NTM: variants seen among roughly 807,000 people sequenced by gnomAD.
NTM encodes IgLON family member 2.
NTM carries 13 observed loss-of-function variants against 42.1 expected under a neutral mutation model. The observed-to-expected ratio is 0.31, with a 90% CI of 0.20 to 0.49. The LOEUF (loss-of-function observed/expected upper bound fraction) is 0.49, where lower values mean the gene tolerates loss of function less well. Among genes scored for constraint, NTM ranks in the 20% least tolerant of loss-of-function variants. The pLI is 0.99. For missense variants in NTM, 373 were observed against 452.8 expected (o/e 0.82, Z 1.60); for synonymous variants, 187 against 179.2 (o/e 1.04, Z -0.35).
At chr11:131,617,088 G>A (rs115797859) in intron 1 of NTM, among the ~76,000 whole-genome samples, 2,277 of 152,214 alleles carry the variant, frequency 0.015, 58 homozygotes, top group African/African-American at 0.05. Context: ...TTGTGGGGCT[G>A]GACGCTGCGA....
chr11:131,481,891 G>A (rs1175978301), intron 1 of NTM, among the ~76,000 whole-genome samples: 1 of 152,252 alleles, frequency 6.6e-6, no homozygotes, highest in African/African-American at 2.4e-5. Flanking sequence ...TTTGTAGCAT[G>A]TTAAGTTCCC....
rs2056732928 is a variant in NTM, at chr11:132,067,724, G to T, written c.168-78558G>T. Among the ~76,000 whole-genome samples, 4 of 152,212 alleles carry T rather than the reference G, an allele frequency of 2.6e-5. No homozygotes were observed. The South Asian group carries it at 8.3e-4, about 32-fold the overall frequency. ...TGAGGCTAATTTCACTGCCCTCTGG[G>T]CCCATAGCTCTGCCTTCTGGCCTTG... On this transcript the variant is annotated intron_variant, in intron 2 of 8. Coordinates refer to ENST00000683400, the MANE Select transcript of NTM (RefSeq NM_001352005.2).
rs991523148 is a variant in NTM, at chr11:131,741,160, G to T, written c.83-170404G>T. Among the ~76,000 whole-genome samples, 3 of 111,560 alleles carry T rather than the reference G, an allele frequency of 2.7e-5. No homozygotes were observed. In the Admixed American group the frequency reaches 3.0e-4, roughly 11 times the overall value. The allele number at this position is 111,560 out of a possible 152,430, so 73.2% of individuals were successfully genotyped here. ...AGCCTGGGCAACAGAGCAAGACCCC[G>T]TTGAGAGAGAGAGAGAGAGAGAGAG... On this transcript the variant is annotated intron_variant, in intron 1 of 8. Transcript: ENST00000683400.
intron 1 of NTM, among the ~76,000 whole-genome samples, chr11:131,732,405 T>C (rs2079810972): frequency 6.6e-6 from 1 of 152,232 alleles, no homozygotes; most frequent in South Asian, 2.1e-4. Flanking sequence ...CTGTGGGTCC[T>C]GCCTTCCACC....
intron 1 of NTM, among the ~76,000 whole-genome samples, chr11:131,587,715 C>A (rs760467890): frequency 6.6e-6 from 1 of 152,108 alleles, no homozygotes; most frequent in Admixed American, 6.5e-5. Context: ...TTAAATGCTC[C>A]ACTGCACCCA....
At chr11:131,635,167 C>T (rs2064201035) in intron 1 of NTM, among the ~76,000 whole-genome samples, 1 of 152,206 alleles carries the variant, frequency 6.6e-6, no homozygotes, top group Non-Finnish European at 1.5e-5. Context: ...TCCCTAGAGA[C>T]TGACTGCTAC....
At chr11:132,053,563 G>A (rs2079161498) in intron 2 of NTM, among the ~76,000 whole-genome samples, 1 of 152,116 alleles carries the variant, frequency 6.6e-6, no homozygotes, top group Non-Finnish European at 1.5e-5. Flanking sequence ...CTTGGATTGG[G>A]GAATGTAGAG....
intron 2 of NTM, among the ~76,000 whole-genome samples, chr11:131,972,235 A>G (rs2063664544): frequency 6.6e-6 from 1 of 151,912 alleles, no homozygotes; most frequent in South Asian, 2.1e-4. Flanking sequence ...AAATACATAC[A>G]TACATACATA....
At chr11:132,070,440 G>A (rs1434214309) in intron 2 of NTM, among the ~76,000 whole-genome samples, 4 of 126,520 alleles carry the variant, frequency 3.2e-5, no homozygotes, top group South Asian at 2.9e-4. Flanking sequence ...TAGTTAACAC[G>A]TCACACAGCC....
intron 3 of NTM, among the ~76,000 whole-genome samples, chr11:132,154,086 A>G (rs2072614761): frequency 6.6e-6 from 1 of 152,172 alleles, no homozygotes; most frequent in Non-Finnish European, 1.5e-5. Flanking sequence ...GAGGACGCTA[A>G]TATGGTCACA....
intron 1 of NTM, among the ~76,000 whole-genome samples, chr11:131,885,211 G>A (rs1188478822): frequency 6.6e-6 from 1 of 152,328 alleles, no homozygotes. Context: ...AGCACCTAAT[G>A]CATTCCAGGC....
chr11:132,182,140 C>T (rs2138066340), intron 3 of NTM, among the ~76,000 whole-genome samples: 1 of 152,054 alleles, frequency 6.6e-6, no homozygotes, highest in East Asian at 1.9e-4. Flanking sequence ...AGCTAGAAAC[C>T]TCCATCATTT....
chr11:131,598,747 C>CTTTCTTTCTTTCTTTCTTTG (rs1182525836), intron 1 of NTM, among the ~76,000 whole-genome samples: 2 of 73,420 alleles, frequency 2.7e-5, no homozygotes, highest in African/African-American at 9.4e-5. Context: ...TTCTTTCTTT[C>CTTTCTTTCTTTCTTTCTTTG]TTTCTTTCTT....
intron 4 of NTM, among the ~76,000 whole-genome samples, chr11:132,277,965 G>A (rs141943615): frequency 6.6e-6 from 1 of 152,130 alleles, no homozygotes; most frequent in African/African-American, 2.4e-5. Context: ...ACAGTTTATT[G>A]AGAACTCGAA....
At chr11:132,048,227 C>T (rs1452471083) in intron 2 of NTM, among the ~76,000 whole-genome samples, 1 of 152,102 alleles carries the variant, frequency 6.6e-6, no homozygotes, top group African/African-American at 2.4e-5. Flanking sequence ...TGAAGGAACG[C>T]ATTGTTAGAC....
intron 2 of NTM, among the ~76,000 whole-genome samples, chr11:131,944,620 C>A (rs892624253): frequency 3.9e-5 from 6 of 152,196 alleles, no homozygotes; most frequent in Non-Finnish European, 8.8e-5. Flanking sequence ...ATCTGAATTG[C>A]AACATGCACT....
chr11:131,609,568 C>T (rs192185705), intron 1 of NTM, among the ~76,000 whole-genome samples: 6 of 152,288 alleles, frequency 3.9e-5, no homozygotes, highest in African/African-American at 7.2e-5. Flanking sequence ...CCGAGAAGAT[C>T]GAAGACGTCT....
chr11:131,842,262 C>A (rs1361705613), intron 1 of NTM, among the ~76,000 whole-genome samples: 1 of 152,106 alleles, frequency 6.6e-6, no homozygotes, highest in South Asian at 2.1e-4. Context: ...ACATATGAGT[C>A]CATGAGAAGG....
At chr11:131,869,467 G>C (rs895144886) in intron 1 of NTM, among the ~76,000 whole-genome samples, 10 of 152,326 alleles carry the variant, frequency 6.6e-5, no homozygotes, top group Admixed American at 2.6e-4. Context: ...TCCGGCATCT[G>C]TTAACATTTC....
Sources: gnomAD v4.1 joint callset for allele counts (sites outside exome capture counted in the v4.1 genomes callset) on GRCh38, gnomAD v4.1.1 for gene constraint, MANE v1.5 for transcripts, NCBI Gene and HGNC (gene_info 2026-07-23, HGNC 2026-07-21) for gene names.